SPRED2: variants seen among roughly 807,000 people sequenced by gnomAD.
SPRED2 encodes sprouty related EVH1 domain containing 2, also known as sprouty-related, EVH1 domain-containing protein 2.
SPRED2 carries 47 observed loss-of-function variants against 43.0 expected under a neutral mutation model. That is an observed-to-expected ratio of 1.09 (90% CI 0.87 to 1.40). SPRED2 has a LOEUF of 1.40. Ranked by LOEUF, SPRED2 falls within the 40% of genes most tolerant of loss-of-function variation. The pLI is 0.00. For synonymous variants in SPRED2, 225 were observed against 225.7 expected (o/e 1.00, Z 0.03); for missense variants, 561 against 586.4 (o/e 0.96, Z 0.45).
intron 2 of SPRED2, among the ~76,000 whole-genome samples, chr2:65,342,221 C>T (rs935143679): frequency 1.4e-5 from 2 of 144,506 alleles, no homozygotes; most frequent in East Asian, 2.0e-4. Flanking sequence ...ATTTTGTATA[C>T]GTATATTATG....
intron 1 of SPRED2, among the ~76,000 whole-genome samples, chr2:65,355,530 A>G (rs74402094): frequency 0.019 from 2,874 of 152,280 alleles, 45 homozygotes; most frequent in Middle Eastern, 0.037. Flanking sequence ...TAGCCTGGCT[A>G]ACATGGAGAA....
rs536184549 is a variant in SPRED2 at position 65,312,036 on chromosome 2, C to T, written c.*1465G>A. The T allele has an allele frequency of 2.9e-5, 29 of 985,274 alleles. No homozygotes were observed. The highest frequency in any genetic ancestry group is 5.2e-5 in the African/African-American group (3 of 57,222). 61.0% of individuals were successfully genotyped at this position (985,274 alleles called of 1,614,324 possible). A position where few individuals can be genotyped will look rare whatever the true frequency, so the allele number is the denominator to read the frequency against. Reference sequence around the variant, plus strand: ...GCAAGCCTGTCCCCGGTGGTCTCCACGAGGTTCTGATTGTACTATGCTAGG... The same window carrying T: ...GCAAGCCTGTCCCCGGTGGTCTCCATGAGGTTCTGATTGTACTATGCTAGG... On this transcript the variant is annotated 3_prime_UTR_variant, in exon 6 of 6. Coordinates refer to ENST00000356388, the MANE Select transcript of SPRED2 (RefSeq NM_181784.3).
At chr2:65,338,867 G>A (rs1225973564) in intron 2 of SPRED2, among the ~76,000 whole-genome samples, 1 of 150,496 alleles carries the variant, frequency 6.6e-6, no homozygotes, top group African/African-American at 2.5e-5. Flanking sequence ...GCCTCCTCCC[G>A]GCCGCCATCC....
At chr2:65,413,516 C>T (rs977678935) in intron 1 of SPRED2, among the ~76,000 whole-genome samples, 5 of 152,182 alleles carry the variant, frequency 3.3e-5, no homozygotes, top group Admixed American at 6.5e-5. Flanking sequence ...GTCTGCAGGG[C>T]GGTCAAAACA....
intron 1 of SPRED2, among the ~76,000 whole-genome samples, chr2:65,425,600 C>T (rs554370179): frequency 7.3e-4 from 111 of 152,258 alleles, no homozygotes; most frequent in African/African-American, 2.6e-3. Flanking sequence ...TGACATGGGA[C>T]ATATGTCAAG....
At chr2:65,369,868 A>G (rs1675080780) in intron 1 of SPRED2, among the ~76,000 whole-genome samples, 1 of 152,258 alleles carries the variant, frequency 6.6e-6, no homozygotes, top group Non-Finnish European at 1.5e-5. Context: ...TAGAACCTGG[A>G]AAGCAGCCTG....
At chr2:65,373,800 A>C (rs1219918477) in intron 1 of SPRED2, 2 of 152,180 alleles carry the variant, frequency 1.3e-5, no homozygotes, top group Non-Finnish European at 2.9e-5. Flanking sequence ...GGGTTTCTTC[A>C]TTCATTCAAC....
At chr2:65,391,883 T>A (rs1007438588) in intron 1 of SPRED2, among the ~76,000 whole-genome samples, 1 of 152,246 alleles carries the variant, frequency 6.6e-6, no homozygotes, top group African/African-American at 2.4e-5. Context: ...GCTGCTATTA[T>A]GTTTTCATTG....
chr2:65,327,722 T>C (rs1673677039), intron 4 of SPRED2, among the ~76,000 whole-genome samples: 1 of 116,996 alleles, frequency 8.5e-6, no homozygotes, highest in African/African-American at 3.6e-5. Context: ...TCTTTTTTTT[T>C]TTTTTTTTTT....
intron 3 of SPRED2, chr2:65,332,297 G>A (rs113858316): frequency 4.9e-5 from 17 of 349,006 alleles, no homozygotes; most frequent in South Asian, 3.2e-4. Flanking sequence ...TTCTGCACTC[G>A]CTGCTAGAGA....
intron 1 of SPRED2, among the ~76,000 whole-genome samples, chr2:65,416,459 G>C (rs1449162819): frequency 6.6e-6 from 1 of 152,158 alleles, no homozygotes; most frequent in Non-Finnish European, 1.5e-5. Context: ...GAGTGTGGAA[G>C]AGTGGGTCTA....
At chr2:65,389,433 CAT>C (rs750334199) in intron 1 of SPRED2, among the ~76,000 whole-genome samples, 7 of 152,134 alleles carry the variant, frequency 4.6e-5, no homozygotes, top group East Asian at 1.9e-4. Flanking sequence ...TTTTGAGAAA[CAT>C]ATAGATTCTG....
intron 1 of SPRED2, among the ~76,000 whole-genome samples, chr2:65,401,556 G>A (rs575495237): frequency 6.6e-6 from 1 of 152,070 alleles, no homozygotes; most frequent in South Asian, 2.1e-4. Context: ...AGCACTTTGG[G>A]AGGCTGAGGC....
At chr2:65,366,867 A>G in intron 1 of SPRED2, 1 of 974,470 alleles carries the variant, frequency 1.0e-6, no homozygotes, top group Non-Finnish European at 1.3e-6. Context: ...GGAAACTGGA[A>G]GCCTGACAGC....
chr2:65,377,577 AGGT>A (rs1469888649), intron 1 of SPRED2: 1 of 471,218 alleles, frequency 2.1e-6, no homozygotes. Context: ...ATGACTGATG[AGGT>A]GGTAGGTGTT....
chr2:65,429,220 C>G (rs980130495), intron 1 of SPRED2, among the ~76,000 whole-genome samples: 2 of 152,186 alleles, frequency 1.3e-5, no homozygotes, highest in African/African-American at 4.8e-5. Flanking sequence ...CTAAATGAAA[C>G]AGATATTATC....
chr2:65,355,146 T>A (rs1372845742), intron 1 of SPRED2, among the ~76,000 whole-genome samples: 1 of 152,242 alleles, frequency 6.6e-6, no homozygotes, highest in East Asian at 1.9e-4. Flanking sequence ...AATTTTCTCA[T>A]CCTGGGGGAC....
chr2:65,329,083 G>C (rs1354864769), intron 4 of SPRED2, among the ~76,000 whole-genome samples: 9 of 152,182 alleles, frequency 5.9e-5, no homozygotes, highest in Admixed American at 5.9e-4. Context: ...CCATGCCTTA[G>C]ACAACACCTG....
chr2:65,415,138 CTT>C (rs1366976673), intron 1 of SPRED2, among the ~76,000 whole-genome samples: 2 of 152,294 alleles, frequency 1.3e-5, no homozygotes, highest in East Asian at 3.9e-4. Context: ...AAACTTACCA[CTT>C]TAACCATTTT....
Sources: allele counts gnomAD v4.1 joint callset (sites outside exome capture counted in the v4.1 genomes callset), GRCh38; gene constraint gnomAD v4.1.1; transcripts MANE v1.5; gene names NCBI Gene and HGNC (gene_info 2026-07-23, HGNC 2026-07-21).